Variants in IMPA2 observed in about 807,000 individuals in gnomAD.
IMPA2 encodes the protein IMP 2.
Under a neutral mutation model 35.1 loss-of-function variants are expected in IMPA2, and 32 were observed. The observed-to-expected ratio is 0.91, with a 90% CI of 0.69 to 1.23. IMPA2 has a LOEUF of 1.23. Among genes scored for constraint, IMPA2 ranks in the 50% most tolerant of loss-of-function variants. The probability of loss-of-function intolerance (pLI) is 0.00; values close to 1 mark genes in which losing one functional copy is unlikely to be tolerated. For missense variants in IMPA2, 334 were observed against 387.6 expected, an observed-to-expected ratio of 0.86 and a Z score of 1.16; for synonymous variants, 135 against 160.6, an observed-to-expected ratio of 0.84 and a Z score of 1.20.
At position 12,030,334 on chromosome 18, in the gene IMPA2, T is replaced by C. The variant is rs764389510; in HGVS notation, c.752-9T>C. The C allele has an allele frequency of 3.1e-6, 5 of 1,611,454 alleles. No individual in the cohort carries two copies. The African/African-American group carries it at 6.7e-5, about 22-fold the overall frequency. On this transcript the variant is annotated splice_polypyrimidine_tract_variant and intron_variant, in intron 7 of 7. Coordinates refer to ENST00000269159, the MANE Select transcript of IMPA2 (RefSeq NM_014214.3). Reference sequence around the variant, plus strand: ...ACCCGGATGCCTGGCTCTCTCTGTCTGTCCCCAGGTGGACCCCTCGACCTC... The same window carrying C: ...ACCCGGATGCCTGGCTCTCTCTGTCCGTCCCCAGGTGGACCCCTCGACCTC...
At chr18:11,990,377 A>G (rs557678248) in intron 1 of IMPA2, among the ~76,000 whole-genome samples, 5 of 151,980 alleles carry the variant, frequency 3.3e-5, no homozygotes, top group Non-Finnish European at 5.9e-5. Flanking sequence ...GGAGTCAGCT[A>G]GGAAGGTTAG....
intron 2 of IMPA2, among the ~76,000 whole-genome samples, chr18:12,007,458 G>A (rs1598695026): frequency 6.6e-6 from 1 of 152,172 alleles, no homozygotes; most frequent in South Asian, 2.1e-4. Context: ...GTTCATTGAT[G>A]CCAAATCTTA....
At chr18:12,025,109 T>C (rs1907844019) in intron 5 of IMPA2, among the ~76,000 whole-genome samples, 1 of 143,336 alleles carries the variant, frequency 7.0e-6, no homozygotes, top group African/African-American at 2.4e-5. Flanking sequence ...TTTTCCAGAA[T>C]GTCATGGAGT....
At chr18:12,000,091 T>C (rs1907074391) in intron 2 of IMPA2, among the ~76,000 whole-genome samples, 1 of 152,208 alleles carries the variant, frequency 6.6e-6, no homozygotes, top group South Asian at 2.1e-4. Context: ...TAGATGGACT[T>C]AGGTGGCAGA....
chr18:12,007,794 T>G (rs1907320356), intron 2 of IMPA2, among the ~76,000 whole-genome samples: 2 of 151,212 alleles, frequency 1.3e-5, no homozygotes, highest in Admixed American at 6.6e-5. Context: ...TTCTTTTTTT[T>G]GAGATGGAAT....
At chr18:12,029,079 C>A in intron 7 of IMPA2, 86 bp downstream of exon 7, 36 of 789,446 alleles carry the variant, frequency 4.6e-5, no homozygotes, top group Non-Finnish European at 6.0e-5. Flanking sequence ...TCCCCACCAA[C>A]TGAATTTCCC....
chr18:12,030,611 C>T lies in IMPA2; in HGVS notation c.*153C>T, dbSNP rs558659154. 3.6e-5 allele frequency: 22 copies of T among 606,986 alleles called. No homozygotes were observed. The East Asian group carries it at 4.7e-4, about 13-fold the overall frequency. 37.6% of individuals were successfully genotyped at this position (606,986 alleles called of 1,614,324 possible). On this transcript the variant is annotated 3_prime_UTR_variant, in exon 8 of 8. Transcript: ENST00000269159. ...TGTCACGCTACAGTGAGTGGCTGGC[C>T]TTTTAAATCGACGTCTCTCTCACCA...
chr18:11,996,999 AACACACAC>A (rs544635466), intron 1 of IMPA2, among the ~76,000 whole-genome samples: 2 of 150,010 alleles, frequency 1.3e-5, no homozygotes, highest in Non-Finnish European at 3.0e-5. Flanking sequence ...ACACCACAGC[AACACACAC>A]ACACACACAG....
Position 11,981,725 on chromosome 18 carries a change from G to C in IMPA2, c.56G>C (p.Cys19Ser), listed in dbSNP as rs1190639308. 1 of 1,229,796 alleles carries C rather than the reference G, an allele frequency of 8.1e-7. No individual in the cohort carries two copies. 76.2% of individuals were successfully genotyped at this position (1,229,796 alleles called of 1,614,324 possible). A position where few individuals can be genotyped will look rare whatever the true frequency, so the allele number is the denominator to read the frequency against. The change falls in exon 1 of 8, where the codon TGC becomes TCC. Residue 19 changes from cysteine to serine, a missense_variant. Coordinates refer to ENST00000269159, the MANE Select transcript of IMPA2 (RefSeq NM_014214.3). Reference sequence around the variant, plus strand: ...CTGGCGGCCGGCCCCTGGGAGGAGTGCTTCCAGGCGGCCGTGCAGCTGGCG... The same window carrying C: ...CTGGCGGCCGGCCCCTGGGAGGAGTCCTTCCAGGCGGCCGTGCAGCTGGCG... ...AALAAGPWEECFQAAVQLALR... is the reference protein window; with the variant it reads ...AALAAGPWEESFQAAVQLALR...
At position 12,030,816 on chromosome 18, in the gene IMPA2, G is replaced by A. The variant is rs1908028361; in HGVS notation, c.*358G>A. On this transcript the variant is annotated 3_prime_UTR_variant, in exon 8 of 8. Transcript: ENST00000269159. ...ATAAGGCTTTAGAACTGCTGATAAA[G>A]CGGATCGTTCTCAGGCCCTCCCCCC... 1 of 227,226 alleles carries A rather than the reference G, an allele frequency of 4.4e-6. No homozygotes were observed. The highest frequency in any genetic ancestry group is 8.8e-6 in the Non-Finnish European group (1 of 114,222). The allele number at this position is 227,226 out of a possible 1,614,324, so 14.1% of individuals were successfully genotyped here. A position where few individuals can be genotyped will look rare whatever the true frequency, so the allele number is the denominator to read the frequency against.
At chr18:12,009,395 C>T (rs1332124716) in intron 2 of IMPA2, among the ~76,000 whole-genome samples, 1 of 152,078 alleles carries the variant, frequency 6.6e-6, no homozygotes, top group Non-Finnish European at 1.5e-5. Context: ...TTCAGGTGAG[C>T]CAGGCTGGGT....
chr18:12,009,007 G>GGGGCAGGGGC lies in IMPA2; in HGVS notation c.231-868_231-867insGCGGGCAGGG, dbSNP rs151149750. Among the ~76,000 whole-genome samples, 4 of 120,698 alleles carry GGGGCAGGGGC rather than the reference G, an allele frequency of 3.3e-5. No homozygotes were observed. The East Asian group carries it at 1.1e-3, about 34-fold the overall frequency. The allele number at this position is 120,698 out of a possible 152,430, so 79.2% of individuals were successfully genotyped here. A position where few individuals can be genotyped will look rare whatever the true frequency, so the allele number is the denominator to read the frequency against. The stretch of plus-strand genomic sequence containing the variant: ...GGAGTGGAGCCTGCACAGGGCACAT[G>GGGGCAGGGGC]GGGCAGGGAGCGTCCCAGCCTCTCT... On this transcript the variant is annotated intron_variant, in intron 2 of 7. Coordinates refer to ENST00000269159, the MANE Select transcript of IMPA2 (RefSeq NM_014214.3).
intron 1 of IMPA2, among the ~76,000 whole-genome samples, chr18:11,984,843 C>T (rs1906612792): frequency 1.3e-5 from 2 of 149,848 alleles, no homozygotes; most frequent in Admixed American, 6.6e-5. Context: ...TGGCGGGCGC[C>T]TGTAGTCCCA....
chr18:11,981,842 G>A, intron 1 of IMPA2, 77 bp downstream of exon 1: 1 of 1,016,348 alleles, frequency 9.8e-7, no homozygotes, highest in African/African-American at 1.7e-5. Flanking sequence ...GGAGTGGCGG[G>A]GTCCTGGCGC....
chr18:11,984,946 C>A (rs1161096999), intron 1 of IMPA2, among the ~76,000 whole-genome samples: 1 of 136,668 alleles, frequency 7.3e-6, no homozygotes, highest in Non-Finnish European at 1.5e-5. Context: ...CCAGCCTGAG[C>A]GACAGAGCAA....
At chr18:12,023,215 A>G (rs1395422914) in intron 5 of IMPA2, among the ~76,000 whole-genome samples, 3 of 152,098 alleles carry the variant, frequency 2.0e-5, no homozygotes, top group Non-Finnish European at 4.4e-5. Flanking sequence ...CAAACAGGAA[A>G]ACTATGGAAG....
At chr18:12,023,176 A>G (rs896712458) in intron 5 of IMPA2, among the ~76,000 whole-genome samples, 1 of 152,128 alleles carries the variant, frequency 6.6e-6, no homozygotes, top group Non-Finnish European at 1.5e-5. Flanking sequence ...CCAGAAGAAG[A>G]AGGTGCTGGA....
chr18:12,012,144 G>A (rs886228572), intron 3 of IMPA2, 26 bp from the exon 4 acceptor site: 6 of 1,613,218 alleles, frequency 3.7e-6, no homozygotes, highest in Middle Eastern at 1.6e-4. Context: ...GTTCCAGAGA[G>A]TAAACCTTTC....
chr18:11,987,985 T>C (rs1906711424), intron 1 of IMPA2, among the ~76,000 whole-genome samples: 1 of 149,246 alleles, frequency 6.7e-6, no homozygotes, highest in African/African-American at 2.5e-5. Flanking sequence ...TGAAGTTAAA[T>C]GCACATGTTT....
Sources: gnomAD v4.1 joint callset for allele counts (sites outside exome capture counted in the v4.1 genomes callset) on GRCh38, gnomAD v4.1.1 for gene constraint, MANE v1.5 for transcripts, NCBI Gene and HGNC (gene_info 2026-07-23, HGNC 2026-07-21) for gene names.